Variants in FAM227B observed in about 807,000 individuals in gnomAD.
FAM227B encodes the protein protein FAM227B.
Under a neutral mutation model 73.8 loss-of-function variants are expected in FAM227B, and 88 were observed. The observed-to-expected ratio is 1.19, with a 90% confidence interval of 1.00 to 1.42. FAM227B has a LOEUF of 1.42. Among genes scored for constraint, FAM227B ranks in the 40% most tolerant of loss-of-function variants. The probability of loss-of-function intolerance (pLI) is 0.00; values close to 1 mark genes in which losing one functional copy is unlikely to be tolerated. For missense variants in FAM227B, 632 were observed against 590.9 expected, an observed-to-expected ratio of 1.07 and a Z score of -0.72; for synonymous variants, 210 against 190.5, an observed-to-expected ratio of 1.10 and a Z score of -0.84.
Position 49,568,264 on chromosome 15 carries a change from C to T in FAM227B, c.728G>A (p.Arg243Gln), listed in dbSNP as rs932462633. Residue 243 changes from arginine (R) to glutamine (Q), a missense_variant, in exon 9 of 16, where the codon CGA (arginine) becomes CAA (glutamine). Transcript: ENST00000299338. ...VTLFMSIPLS[R>Q]KDAFFQIYPD... ...GCTTACCTGAAAAAATGCATCCTTT[C>T]GACTTAGAGGTATGCTCATGAAAAG... 13 of 1,606,140 alleles carry T rather than the reference C, an allele frequency of 8.1e-6. No homozygotes were observed. Among genetic ancestry groups the T allele is most frequent in the African/African-American group, 8.1e-5 (6 of 74,440 alleles).
intron 11 of FAM227B, among the ~76,000 whole-genome samples, chr15:49,388,071 GATTT>G: frequency 6.6e-6 from 1 of 151,798 alleles, no homozygotes; most frequent in Admixed American, 6.6e-5. Flanking sequence ...GGAATCTACA[GATTT>G]AATACAATTC....
Position 49,371,311 on chromosome 15 carries a change from T to C in FAM227B, c.1101A>G (p.Leu367=). 6.3e-7 allele frequency: 1 copy of C among 1,579,344 alleles called. No homozygotes were observed. The highest frequency in any genetic ancestry group is 8.7e-7 in the Non-Finnish European group (1 of 1,152,646). The part of the protein sequence containing the change: ...ISKEESRLSR[L]ATKSHYSSTG... ...TTATTATACTCCAAACCTTTGTTGCTAGTCTTGATAATCTTGATTCTTCCT... is the reference window on the plus strand; with the variant it reads ...TTATTATACTCCAAACCTTTGTTGCCAGTCTTGATAATCTTGATTCTTCCT... The change falls in exon 12 of 16, where the codon CTA becomes CTG. Residue 367 remains leucine, a synonymous_variant. Transcript: ENST00000299338.
intron 9 of FAM227B, among the ~76,000 whole-genome samples, chr15:49,546,017 T>TTACATATGTA (rs2071809293): frequency 6.6e-6 from 1 of 152,002 alleles, no homozygotes; most frequent in Admixed American, 6.5e-5. Context: ...TGCAGGTTTG[T>TTACATATGTA]TACATATGTA....
intron 3 of FAM227B, among the ~76,000 whole-genome samples, chr15:49,591,233 C>T (rs1201476444): frequency 1.3e-5 from 2 of 150,780 alleles, no homozygotes; most frequent in Non-Finnish European, 3.0e-5. Context: ...CGCCACCATG[C>T]CCGGCTAATT....
chr15:49,419,850 T>A (rs113483258), intron 11 of FAM227B, among the ~76,000 whole-genome samples: 63 of 152,316 alleles, frequency 4.1e-4, no homozygotes, highest in African/African-American at 1.4e-3. Context: ...GTTGCAGCTT[T>A]AGTGGAATTC....
rs1305230645 is a variant in FAM227B at position 49,599,023 on chromosome 15, A to AT, written c.106-9017dup. ...AAGAGTCTGAGAAAGATTGATACTA[A>AT]TTCTTCTTTCAATGTTTGGTAGGAT... On this transcript the variant is annotated intron_variant, in intron 3 of 15. Transcript: ENST00000299338. Among the ~76,000 whole-genome samples, 7 of 152,144 alleles carry AT rather than the reference A, an allele frequency of 4.6e-5. No homozygotes were observed. In the East Asian group the frequency reaches 1.3e-3, roughly 29 times the overall value.
chr15:49,492,168 T>A (rs949342218), intron 11 of FAM227B, among the ~76,000 whole-genome samples: 1 of 151,896 alleles, frequency 6.6e-6, no homozygotes, highest in African/African-American at 2.4e-5. Context: ...TCTATACTTT[T>A]AAAAAATTCT....
intron 10 of FAM227B, among the ~76,000 whole-genome samples, chr15:49,511,694 T>G (rs926919963): frequency 1.3e-5 from 2 of 152,120 alleles, no homozygotes; most frequent in African/African-American, 2.4e-5. Flanking sequence ...CACTTATAAG[T>G]GAGAACATGC....
At position 49,615,299 on chromosome 15, in the gene FAM227B, T is replaced by C. The variant is rs1325193529; in HGVS notation, c.-72-56A>G. On this transcript the variant is annotated intron_variant, in intron 1 of 15. Coordinates refer to ENST00000299338, the MANE Select transcript of FAM227B (RefSeq NM_152647.3). ...ATAAATGACTCAGCCAAACAATCCCTTTCCCCTCACCCACAAACCTCACTT... is the reference window on the plus strand; with the variant it reads ...ATAAATGACTCAGCCAAACAATCCCCTTCCCCTCACCCACAAACCTCACTT... The C allele has an allele frequency of 3.8e-6, 3 of 787,904 alleles. No individual in the cohort carries two copies. In the East Asian group the frequency reaches 7.4e-5, roughly 19 times the overall value. 48.8% of individuals were successfully genotyped at this position (787,904 alleles called of 1,614,324 possible). A position where few individuals can be genotyped will look rare whatever the true frequency, so the allele number is the denominator to read the frequency against.
Position 49,547,264 on chromosome 15 carries a change from G to A in FAM227B, c.748-5458C>T, listed in dbSNP as rs1292029006. Among the ~76,000 whole-genome samples the A allele has an allele frequency of 3.3e-5, 5 of 151,938 alleles. No homozygotes were observed. In the East Asian group the frequency reaches 9.7e-4, roughly 29 times the overall value. ...TGTCACCACCAGGCCTGCCCTAGAA[G>A]AGCTCCTGAAGGAAGCACTAAACAT... is the stretch of plus-strand genomic sequence containing the variant. On this transcript the variant is annotated intron_variant, in intron 9 of 15. Coordinates refer to ENST00000299338, the MANE Select transcript of FAM227B (RefSeq NM_152647.3).
At chr15:49,541,508 T>A (rs1802191200) in intron 10 of FAM227B, among the ~76,000 whole-genome samples, 172 bp downstream of exon 10, 1 of 152,116 alleles carries the variant, frequency 6.6e-6, no homozygotes, top group Non-Finnish European at 1.5e-5. Context: ...TATGGTATAA[T>A]GAAATGTTCA....
intron 11 of FAM227B, among the ~76,000 whole-genome samples, chr15:49,496,604 T>C (rs2057632359): frequency 6.6e-6 from 1 of 152,178 alleles, no homozygotes; most frequent in Non-Finnish European, 1.5e-5. Context: ...TGACATTTTG[T>C]TTGGAAGGCA....
chr15:49,331,203 C>T (rs1272852535), intron 15 of FAM227B: 2 of 152,320 alleles, frequency 1.3e-5, no homozygotes, highest in Non-Finnish European at 2.9e-5. Flanking sequence ...GTCCAGCATT[C>T]AGACATATTG....
At chr15:49,334,687 C>A (rs1467100921) in intron 14 of FAM227B, among the ~76,000 whole-genome samples, 1 of 152,170 alleles carries the variant, frequency 6.6e-6, no homozygotes, top group African/African-American at 2.4e-5. Context: ...GCTTTTAGAT[C>A]TGCCCGCTGG....
chr15:49,499,165 CAAAAAAAAAAAAA>C (rs11355557), intron 11 of FAM227B, among the ~76,000 whole-genome samples: 1 of 53,042 alleles, frequency 1.9e-5, no homozygotes, highest in African/African-American at 7.8e-5. Context: ...GACTCCGTCT[CAAAAAAAAAAAAA>C]AAAAAAAAAA....
At chr15:49,349,527 G>A (rs8026364) in intron 13 of FAM227B, among the ~76,000 whole-genome samples, 24,451 of 151,934 alleles carry the variant, frequency 0.16, 3,072 homozygotes, top group African/African-American at 0.34. Context: ...TATTACATAA[G>A]TTTTAAATGT....
intron 3 of FAM227B, among the ~76,000 whole-genome samples, chr15:49,596,037 T>G (rs756274063): frequency 3.3e-5 from 5 of 151,994 alleles, no homozygotes; most frequent in Admixed American, 6.6e-5. Flanking sequence ...TTCAAAAACT[T>G]ACTTGAGGGA....
chr15:49,567,478 T>C (rs1404853861), intron 9 of FAM227B, among the ~76,000 whole-genome samples: 1 of 152,098 alleles, frequency 6.6e-6, no homozygotes, highest in African/African-American at 2.4e-5. Flanking sequence ...TGTTTGTGAG[T>C]AAGATAGGTC....
chr15:49,617,600 G>A (rs2153345416), intron 1 of FAM227B, among the ~76,000 whole-genome samples: 1 of 152,160 alleles, frequency 6.6e-6, no homozygotes, highest in East Asian at 1.9e-4. Flanking sequence ...AATTAAATGT[G>A]TGGCATTTTT....
Sources: allele counts gnomAD v4.1 joint callset (sites outside exome capture counted in the v4.1 genomes callset), GRCh38; gene constraint gnomAD v4.1.1; transcripts MANE v1.5; gene names NCBI Gene and HGNC (gene_info 2026-07-23, HGNC 2026-07-21).